Variants in LASP1 observed in about 807,000 individuals in gnomAD.
The protein encoded by LASP1 is LIM and SH3 domain protein 1.
LASP1 carries 10 observed loss-of-function variants against 38.6 expected under a neutral mutation model. That is an observed-to-expected ratio of 0.26 (90% CI 0.16 to 0.44). The LOEUF (loss-of-function observed/expected upper bound fraction) is 0.44. LASP1 is among the 20% of genes least tolerant of loss of function. The pLI is 1.00. For missense variants in LASP1, 243 were observed against 375.7 expected, an observed-to-expected ratio of 0.65 and a Z score of 2.92; for synonymous variants, 132 against 140.8, an observed-to-expected ratio of 0.94 and a Z score of 0.44.
At chr17:38,886,172 ACTCT>A (rs1427411475) in intron 2 of LASP1, among the ~76,000 whole-genome samples, 1 of 143,440 alleles carries the variant, frequency 7.0e-6, no homozygotes, top group Non-Finnish European at 1.5e-5. Flanking sequence ...CTCTCTCCTC[ACTCT>A]CTCTCTCACT....
chr17:38,890,216 C>T (rs1914265994), intron 2 of LASP1: 3 of 573,670 alleles, frequency 5.2e-6, no homozygotes, highest in Admixed American at 6.0e-5. Flanking sequence ...CTGCGTCTTC[C>T]CAGGTCAGCC....
Position 38,921,609 on chromosome 17 carries a change from T to A in LASP1, c.*2831T>A, listed in dbSNP as rs1156511994. The A allele has an allele frequency of 1.3e-5, 3 of 232,784 alleles. No individual in the cohort carries two copies. Among genetic ancestry groups the A allele is most frequent in the African/African-American group, 6.6e-5 (3 of 45,270 alleles). The allele number at this position is 232,784 out of a possible 1,614,324, so 14.4% of individuals were successfully genotyped here. A position where few individuals can be genotyped will look rare whatever the true frequency, so the allele number is the denominator to read the frequency against. ...GAAGCCGCCAGTTCATCTTTTTATA[T>A]GGGGTTGTTGTCTCATTTTGGTCTG... is the stretch of plus-strand genomic sequence containing the variant. On this transcript the variant is annotated 3_prime_UTR_variant, in exon 7 of 7. Coordinates refer to ENST00000318008, the MANE Select transcript of LASP1 (RefSeq NM_006148.4).
chr17:38,912,385 G>C (rs1432554628), intron 4 of LASP1, among the ~76,000 whole-genome samples: 8 of 151,944 alleles, frequency 5.3e-5, no homozygotes, highest in Admixed American at 5.2e-4. Flanking sequence ...GGGTGCCACA[G>C]GGTCAGGGTA....
In LASP1 at chr17:38,920,330, A is replaced by G. The variant is rs1598126381; in HGVS notation, c.*1552A>G. The G allele has an allele frequency of 1.1e-5, 4 of 375,092 alleles. No individual in the cohort carries two copies. In the East Asian group the frequency reaches 1.7e-4, roughly 16 times the overall value. 23.2% of individuals were successfully genotyped at this position (375,092 alleles called of 1,614,324 possible). A position where few individuals can be genotyped will look rare whatever the true frequency, so the allele number is the denominator to read the frequency against. On this transcript the variant is annotated 3_prime_UTR_variant, in exon 7 of 7. Coordinates refer to ENST00000318008, the MANE Select transcript of LASP1 (RefSeq NM_006148.4). ...CCCTCACTTACATAAAGCTCCCTTG[A>G]AGCAAGAAAGAGGGTCCCAGGGCTG...
chr17:38,875,989 A>G (rs933340405), intron 1 of LASP1, among the ~76,000 whole-genome samples: 1 of 152,072 alleles, frequency 6.6e-6, no homozygotes, highest in African/African-American at 2.4e-5. Flanking sequence ...CAGGTCACTC[A>G]GGTGGCCTGG....
intron 2 of LASP1, among the ~76,000 whole-genome samples, chr17:38,879,411 C>G (rs191476375): frequency 6.6e-6 from 1 of 151,860 alleles, no homozygotes; most frequent in Non-Finnish European, 1.5e-5. Context: ...ACCGCCTCAG[C>G]CTCCCAAAGT....
At chr17:38,873,608 T>A (rs778823216) in intron 1 of LASP1, among the ~76,000 whole-genome samples, 4 of 152,220 alleles carry the variant, frequency 2.6e-5, no homozygotes, top group Admixed American at 6.5e-5. Flanking sequence ...TGACCCTATC[T>A]GGAGGAATGC....
At position 38,918,565 on chromosome 17, in the gene LASP1, C is replaced by T. The variant is rs200927136; in HGVS notation, c.613-40C>T. On this transcript the variant is annotated intron_variant, in intron 6 of 6. Coordinates refer to ENST00000318008, the MANE Select transcript of LASP1 (RefSeq NM_006148.4). The surrounding 1 kb of genome is among the most constrained non-coding windows in gnomAD (Gnocchi z 4.4). ...AAAAAATGCTCAGACCCAGGTGAGCCGGCATGCAGGGCCCTAGGCTGACCA... is the reference window on the plus strand; with the variant it reads ...AAAAAATGCTCAGACCCAGGTGAGCTGGCATGCAGGGCCCTAGGCTGACCA... 46 of 1,534,002 alleles carry T rather than the reference C, an allele frequency of 3.0e-5. No homozygotes were observed. The highest frequency in any genetic ancestry group is 1.7e-4 in the South Asian group (14 of 80,242).
chr17:38,894,849 C>T (rs1233863118), intron 3 of LASP1, among the ~76,000 whole-genome samples: 4 of 152,000 alleles, frequency 2.6e-5, no homozygotes, highest in African/African-American at 4.8e-5. Context: ...GCGATTTTCT[C>T]GCCTCCACCT....
At chr17:38,904,900 G>A (rs1445275607) in intron 4 of LASP1, among the ~76,000 whole-genome samples, 1 of 152,160 alleles carries the variant, frequency 6.6e-6, no homozygotes, top group Non-Finnish European at 1.5e-5. Context: ...CAATCCTCTA[G>A]TTTGATTTTG....
chr17:38,910,856 G>A (rs1168287769), intron 4 of LASP1, among the ~76,000 whole-genome samples: 2 of 151,948 alleles, frequency 1.3e-5, no homozygotes, highest in African/African-American at 2.4e-5. Context: ...CCGAGTAGCT[G>A]GGATCACAGG....
At chr17:38,876,429 C>T (rs1913779316) in intron 1 of LASP1, among the ~76,000 whole-genome samples, 1 of 151,932 alleles carries the variant, frequency 6.6e-6, no homozygotes, top group African/African-American at 2.4e-5. Flanking sequence ...GGCATGATCT[C>T]AGCTCACCGC....
chr17:38,915,236 C>T (rs765447161), intron 6 of LASP1, 90 bp downstream of exon 6: 85 of 1,010,474 alleles, frequency 8.4e-5, no homozygotes, highest in South Asian at 2.9e-4. Context: ...CTGACCTTTG[C>T]ACCCACCCTC....
chr17:38,894,718 G>A (rs1297129118), intron 3 of LASP1, among the ~76,000 whole-genome samples: 2 of 151,972 alleles, frequency 1.3e-5, no homozygotes, highest in East Asian at 1.9e-4. Context: ...CTCTCCATCT[G>A]TGTGTGTCTA....
chr17:38,888,845 G>A lies in LASP1; in HGVS notation c.165-1575G>A, dbSNP rs555923079. Among the ~76,000 whole-genome samples the A allele has an allele frequency of 3.0e-3, 454 of 151,622 alleles. 5 individuals are homozygous for A. The highest frequency in any genetic ancestry group is 0.01 in the African/African-American group (428 of 41,340). The stretch of plus-strand genomic sequence containing the variant: ...GTCTCTGCAGGCTCTGAGGGTTGCC[G>A]TGGCTTCGGCTGCCTCCAAGCCAGG... On this transcript the variant is annotated intron_variant, in intron 2 of 6. Transcript: ENST00000318008.
At chr17:38,895,758 T>C (rs1283178507) in intron 3 of LASP1, among the ~76,000 whole-genome samples, 1 of 152,272 alleles carries the variant, frequency 6.6e-6, no homozygotes, top group African/African-American at 2.4e-5. Flanking sequence ...CTGCACCTCC[T>C]GTCTGCTGGG....
In LASP1 at chr17:38,918,968, G is replaced by C. The variant is rs891741119; in HGVS notation, c.*190G>C. 3 of 654,698 alleles carry C rather than the reference G, an allele frequency of 4.6e-6. No homozygotes were observed. Among genetic ancestry groups the C allele is most frequent in the South Asian group, 1.9e-5 (1 of 51,976 alleles). The allele number at this position is 654,698 out of a possible 1,614,324, so 40.6% of individuals were successfully genotyped here. A position where few individuals can be genotyped will look rare whatever the true frequency, so the allele number is the denominator to read the frequency against. ...TTCTGCGGGCTCCCTCCTCTGGCAG[G>C]CTTCCCCCTTGATCGACTTCTTGGT... On this transcript the variant is annotated 3_prime_UTR_variant, in exon 7 of 7. Transcript: ENST00000318008. This position sits in a 1 kb window ranked among gnomAD's most constrained non-coding sequence, Gnocchi z 4.4.
At chr17:38,875,650 G>T (rs1006359722) in intron 1 of LASP1, among the ~76,000 whole-genome samples, 4 of 152,142 alleles carry the variant, frequency 2.6e-5, no homozygotes, top group African/African-American at 7.2e-5. Flanking sequence ...TAGGGAACCA[G>T]TACCCTATTA....
At position 38,919,035 on chromosome 17, in the gene LASP1, GCA is replaced by G; in HGVS notation, c.*258_*259del. The G allele has an allele frequency of 1.9e-6, 1 of 536,378 alleles. No individual in the cohort carries two copies. The highest frequency in any genetic ancestry group is 3.4e-6 in the Non-Finnish European group (1 of 297,870). The allele number at this position is 536,378 out of a possible 1,614,324, so 33.2% of individuals were successfully genotyped here. A position where few individuals can be genotyped will look rare whatever the true frequency, so the allele number is the denominator to read the frequency against. ...ACGGGCATGGGCCTCTCTGGGGGAGGCAGGGCTGGAATGGGAGACCTGTTGGC... is the reference window on the plus strand; with the variant it reads ...ACGGGCATGGGCCTCTCTGGGGGAGGGGGCTGGAATGGGAGACCTGTTGGC... On this transcript the variant is annotated 3_prime_UTR_variant, in exon 7 of 7. Transcript: ENST00000318008.
Sources: gnomAD v4.1 joint callset for allele counts (sites outside exome capture counted in the v4.1 genomes callset) on GRCh38, gnomAD v4.1.1 for gene constraint, Gnocchi (gnomAD v3.1) non-coding constraint, MANE v1.5 for transcripts, NCBI Gene and HGNC (gene_info 2026-07-23, HGNC 2026-07-21) for gene names.